FTO: variants seen among roughly 807,000 people sequenced by gnomAD.
FTO encodes the protein alpha-ketoglutarate-dependent dioxygenase FTO.
Under a neutral mutation model 63.9 loss-of-function variants are expected in FTO, and 47 were observed. The ratio of observed to expected loss-of-function variants is 0.74; its 90% CI spans 0.58 to 0.94. The LOEUF is 0.94. Ranked by LOEUF, FTO falls within the 40% of genes least tolerant of loss-of-function variation. The pLI is 0.00. For synonymous variants in FTO, 207 were observed against 224.4 expected, an observed-to-expected ratio of 0.92 and a Z score of 0.69; for missense variants, 562 against 618.1, an observed-to-expected ratio of 0.91 and a Z score of 0.96.
At chr16:54,025,050 A>G (rs2084683320) in intron 8 of FTO, among the ~76,000 whole-genome samples, 1 of 152,250 alleles carries the variant, frequency 6.6e-6, no homozygotes, top group African/African-American at 2.4e-5. Flanking sequence ...TTAATTTATA[A>G]TAAAACAGCT....
At chr16:54,090,743 G>A (rs935089570) in intron 8 of FTO, among the ~76,000 whole-genome samples, 7 of 152,270 alleles carry the variant, frequency 4.6e-5, no homozygotes, top group Middle Eastern at 3.4e-3. Context: ...CTAAGACTCC[G>A]GCCTTCTGGG....
intron 8 of FTO, among the ~76,000 whole-genome samples, chr16:53,975,817 A>G (rs1370969741): frequency 6.6e-6 from 1 of 152,238 alleles, no homozygotes; most frequent in Non-Finnish European, 1.5e-5. Flanking sequence ...GAAGATTTAT[A>G]TTGTATTTAC....
intron 1 of FTO, among the ~76,000 whole-genome samples, chr16:53,804,905 G>T (rs952970040): frequency 6.6e-6 from 1 of 151,980 alleles, no homozygotes; most frequent in South Asian, 2.1e-4. Flanking sequence ...GTGAGCCACC[G>T]CGCCTGGCTC....
rs982075700 is a variant in FTO, at chr16:53,717,127, T to A, written c.45+12898T>A. Among the ~76,000 whole-genome samples, 3 of 151,968 alleles carry A rather than the reference T, an allele frequency of 2.0e-5. No individual in the cohort carries two copies. The East Asian group carries it at 5.8e-4, about 29-fold the overall frequency. On this transcript the variant is annotated intron_variant, in intron 1 of 8. Transcript: ENST00000471389. ...ATTCTTGTACATAAATCTCTGCAAA[T>A]CTTTGGAATGTTTCATAGGGTAAAT...
intron 8 of FTO, among the ~76,000 whole-genome samples, chr16:53,977,495 ATGTTAC>A (rs2083457025): frequency 6.6e-6 from 1 of 152,184 alleles, no homozygotes; most frequent in Non-Finnish European, 1.5e-5. Flanking sequence ...CATTTCTGTG[ATGTTAC>A]TGTTTTGAAG....
intron 4 of FTO, among the ~76,000 whole-genome samples, chr16:53,854,697 A>C (rs2079926771): frequency 6.6e-6 from 1 of 152,154 alleles, no homozygotes; most frequent in Non-Finnish European, 1.5e-5. Flanking sequence ...TTGTGGTATA[A>C]TTTTAAGACA....
At position 53,826,135 on chromosome 16, in the gene FTO, T is replaced by C. The variant is rs141423836; in HGVS notation, c.395T>C (p.Ile132Thr). Residue 132 changes from isoleucine (I) to threonine (T), a missense_variant, in exon 3 of 9, where the codon ATA becomes ACA. By Grantham distance (89) the Ile-to-Thr change is moderately conservative. Coordinates refer to ENST00000471389, the MANE Select transcript of FTO (RefSeq NM_001080432.3). ...AATATAAAACACACCGAGGCTGAAA[T>C]AGCCGCTGCTTGTGAGACCTTCCTC... ...GSNIKHTEAE[I>T]AAACETFLKL... is the part of the protein sequence containing the mutation. 5 of 1,614,002 alleles carry C rather than the reference T, an allele frequency of 3.1e-6. No individual in the cohort carries two copies. In the African/African-American group the frequency reaches 4.0e-5, roughly 13 times the overall value.
At chr16:54,071,950 A>G (rs1250550447) in intron 8 of FTO, 1 of 152,182 alleles carries the variant, frequency 6.6e-6, no homozygotes, top group African/African-American at 2.4e-5. Flanking sequence ...CGTTAGGGGC[A>G]AAGGAAGGCC....
chr16:53,822,366 A>G (rs1027655153), intron 2 of FTO, among the ~76,000 whole-genome samples: 9 of 152,204 alleles, frequency 5.9e-5, no homozygotes, highest in African/African-American at 1.9e-4. Context: ...CTATCCACAT[A>G]TTTTTGATCA....
chr16:53,704,804 T>C (rs1033931059), intron 1 of FTO, among the ~76,000 whole-genome samples: 5 of 152,234 alleles, frequency 3.3e-5, no homozygotes, highest in Non-Finnish European at 5.9e-5. Context: ...GCATTTATTG[T>C]GGGTCAGGCA....
intron 8 of FTO, among the ~76,000 whole-genome samples, chr16:54,034,612 A>G (rs542306780): frequency 6.6e-6 from 1 of 152,302 alleles, no homozygotes; most frequent in Non-Finnish European, 1.5e-5. Context: ...GGATGGTGTG[A>G]ACATAAGACC....
intron 1 of FTO, among the ~76,000 whole-genome samples, chr16:53,719,645 T>C (rs2075990272): frequency 6.6e-6 from 1 of 151,576 alleles, no homozygotes; most frequent in African/African-American, 2.4e-5. Context: ...TTTTTTTTTT[T>C]TTTTTAAACA....
chr16:54,110,333 T>C (rs755395108), intron 8 of FTO, among the ~76,000 whole-genome samples: 17 of 152,212 alleles, frequency 1.1e-4, no homozygotes, highest in Non-Finnish European at 2.1e-4. Context: ...AACACATTAC[T>C]CTTCTTGGGG....
At chr16:54,093,751 GGT>G (rs1270077928) in intron 8 of FTO, among the ~76,000 whole-genome samples, 1 of 152,110 alleles carries the variant, frequency 6.6e-6, no homozygotes, top group African/African-American at 2.4e-5. Flanking sequence ...AGGGCCTAAG[GGT>G]GTCTTTTCTA....
At chr16:53,837,950 C>T (rs2079350124) in intron 3 of FTO, among the ~76,000 whole-genome samples, 1 of 152,182 alleles carries the variant, frequency 6.6e-6, no homozygotes, top group Admixed American at 6.5e-5. Flanking sequence ...CCCACCTCTC[C>T]AGGCTCTTCT....
chr16:54,000,358 G>A (rs2084038993), intron 8 of FTO, among the ~76,000 whole-genome samples: 1 of 152,158 alleles, frequency 6.6e-6, no homozygotes, highest in Non-Finnish European at 1.5e-5. Flanking sequence ...GAGAACAGAT[G>A]TATTTATGAG....
chr16:53,908,046 G>A (rs552831161), intron 7 of FTO, among the ~76,000 whole-genome samples: 9 of 152,262 alleles, frequency 5.9e-5, no homozygotes, highest in Non-Finnish European at 1.3e-4. Context: ...GTGGTTTTTG[G>A]TCATATAATT....
chr16:54,080,879 A>T (rs2086124283), intron 8 of FTO, among the ~76,000 whole-genome samples: 1 of 152,140 alleles, frequency 6.6e-6, no homozygotes, highest in South Asian at 2.1e-4. Context: ...TTAATAGACC[A>T]CAAAAGTCAA....
At chr16:53,946,275 G>A (rs1196393975) in intron 8 of FTO, among the ~76,000 whole-genome samples, 1 of 152,216 alleles carries the variant, frequency 6.6e-6, no homozygotes, top group Non-Finnish European at 1.5e-5. Context: ...GAATGTTCAG[G>A]ACTTCTCAGG....
Sources: allele counts gnomAD v4.1 joint callset (sites outside exome capture counted in the v4.1 genomes callset), GRCh38; gene constraint gnomAD v4.1.1; transcripts MANE v1.5; gene names NCBI Gene and HGNC (gene_info 2026-07-23, HGNC 2026-07-21).